AMZ1: variants seen among roughly 807,000 people sequenced by gnomAD.
The protein encoded by AMZ1 is archaelysin family metallopeptidase 1, also known as archaemetzincin-1.
In AMZ1, 39 loss-of-function variants were observed where a neutral mutation model predicts 29.9. That is an observed-to-expected ratio of 1.30 (90% CI 1.01 to 1.70). The LOEUF is 1.70. Among genes scored for constraint, AMZ1 ranks in the 40% most tolerant of loss-of-function variants. The pLI, the probability that AMZ1 is intolerant of heterozygous loss-of-function variation, is 0.00. For synonymous variants in AMZ1, 458 were observed against 304.0 expected (o/e 1.51, Z -5.27); for missense variants, 1,041 against 680.6 (o/e 1.53, Z -5.89).
intron 3 of AMZ1, among the ~76,000 whole-genome samples, chr7:2,705,990 C>T (rs1421629609): frequency 6.6e-6 from 1 of 152,208 alleles, no homozygotes; most frequent in Non-Finnish European, 1.5e-5. Flanking sequence ...CACCAAGTCC[C>T]ACAAGGGTCA....
intron 4 of AMZ1, among the ~76,000 whole-genome samples, chr7:2,725,578 T>C (rs528403365): frequency 6.6e-6 from 1 of 152,310 alleles, no homozygotes; most frequent in South Asian, 2.1e-4. Flanking sequence ...ACCTGAAGAC[T>C]TTCCTCCAGA....
chr7:2,723,014 T>C (rs1373146653), downstream of AMZ1, among the ~76,000 whole-genome samples: 3 of 151,320 alleles, frequency 2.0e-5, no homozygotes, highest in Non-Finnish European at 4.4e-5. Context: ...TAAAACAAAA[T>C]AAAAATCAAG....
chr7:2,740,038 A>C (rs1210465562), intron 4 of AMZ1, among the ~76,000 whole-genome samples: 2 of 152,178 alleles, frequency 1.3e-5, no homozygotes, highest in African/African-American at 4.8e-5. Flanking sequence ...GCGGCTGCAC[A>C]AGTTTACATT....
intron 1 of AMZ1, among the ~76,000 whole-genome samples, chr7:2,699,415 CCT>C (rs1327087801): frequency 6.6e-6 from 1 of 152,202 alleles, no homozygotes; most frequent in Admixed American, 6.5e-5. Flanking sequence ...TCCACTTCTC[CCT>C]GTTTCTAGCT....
intron 6 of AMZ1, 47 bp from the exon 7 acceptor site, chr7:2,712,283 A>G: frequency 1.3e-6 from 2 of 1,500,362 alleles, no homozygotes; most frequent in Non-Finnish European, 8.9e-7. Context: ...CCCTGGCTAG[A>G]CAAGGGCTGG....
At chr7:2,763,509 G>A (rs1791674171), upstream of AMZ1, among the ~76,000 whole-genome samples, 4 of 152,240 alleles carry the variant, frequency 2.6e-5, no homozygotes, top group Admixed American at 2.6e-4. Context: ...TATGGCTGAG[G>A]ATGAAGCTCC....
At chr7:2,745,345 A>G (rs1362729380) in intron 4 of AMZ1, among the ~76,000 whole-genome samples, 2 of 152,274 alleles carry the variant, frequency 1.3e-5, no homozygotes, top group African/African-American at 4.8e-5. Context: ...GCAAGCCAGA[A>G]GAGAGTGGGG....
Position 2,712,528 on chromosome 7 carries a change from G to T in AMZ1, c.1147G>T (p.Glu383Ter). The change falls in exon 7 of 7, where the codon GAA (glutamate) becomes TAA (stop). Residue 383 changes from glutamate to a stop codon, truncating the protein, a stop_gained. Coordinates refer to ENST00000683327, the MANE Select transcript of AMZ1 (RefSeq NM_001384743.1). LOFTEE classifies it low-confidence loss of function (END_TRUNC). ...GSHTFASGPE[E>*]GLSYLAASEA... is the part of the protein sequence containing the mutation. ...TCACACCTTCGCCTCGGGGCCAGAG[G>T]AAGGGCTGAGCTACCTGGCAGCCTC... 6.2e-7 allele frequency: 1 copy of T among 1,608,578 alleles called. No individual in the cohort carries two copies.
chr7:2,745,469 TGA>T (rs1562401456), intron 4 of AMZ1, among the ~76,000 whole-genome samples: 2 of 152,188 alleles, frequency 1.3e-5, no homozygotes, highest in African/African-American at 2.4e-5. Flanking sequence ...AAGCAAATGC[TGA>T]GAGATTTTGT....
At chr7:2,739,259 C>T (rs1432157332) in intron 4 of AMZ1, among the ~76,000 whole-genome samples, 4 of 152,224 alleles carry the variant, frequency 2.6e-5, no homozygotes, top group African/African-American at 9.6e-5. Context: ...ACGGCCACCA[C>T]TTCTACAGCC....
chr7:2,707,952 T>C (rs1485399141), intron 3 of AMZ1, among the ~76,000 whole-genome samples: 1 of 143,212 alleles, frequency 7.0e-6, no homozygotes, highest in African/African-American at 2.8e-5. Flanking sequence ...GACTCCTGAG[T>C]AGTTGGGATT....
intron 1 of AMZ1, among the ~76,000 whole-genome samples, chr7:2,693,605 G>T (rs978178163): frequency 1.3e-5 from 2 of 152,146 alleles, no homozygotes; most frequent in African/African-American, 4.8e-5. Flanking sequence ...GCCCAGACTG[G>T]AGTGCAGTGG....
intron 4 of AMZ1, chr7:2,728,325 ATCT>A (rs1185220274): frequency 1.3e-5 from 2 of 152,330 alleles, no homozygotes; most frequent in African/African-American, 2.4e-5. Flanking sequence ...ACAACTAATA[ATCT>A]TCTTTCAAGA....
At chr7:2,720,885 C>A (rs1294600693), downstream of AMZ1, among the ~76,000 whole-genome samples, 1 of 152,148 alleles carries the variant, frequency 6.6e-6, no homozygotes, top group Non-Finnish European at 1.5e-5. Flanking sequence ...AGCCACGTTG[C>A]CCAGGCTGGT....
At chr7:2,750,062 TATG>T in intron 4 of AMZ1, among the ~76,000 whole-genome samples, 1 of 152,180 alleles carries the variant, frequency 6.6e-6, no homozygotes, top group Non-Finnish European at 1.5e-5. Flanking sequence ...AAATTCCAAA[TATG>T]ATAAGTATGA....
Position 2,692,773 on chromosome 7 carries a change from A to G in AMZ1, c.-219+4477A>G, listed in dbSNP as rs150697290. On this transcript the variant is annotated intron_variant, in intron 1 of 6. Transcript: ENST00000683327. The stretch of plus-strand genomic sequence containing the variant: ...GCCACAAGCCCAGCAGCGGTTCCCC[A>G]CCTCACCCAGAGCAAAGGTTAAAGC... 3.7e-3 allele frequency among the ~76,000 whole-genome samples: 562 copies of G among 151,858 alleles called. 7 individuals carry two copies. The highest frequency in any genetic ancestry group is 0.013 in the African/African-American group (548 of 41,366).
At position 2,742,523 on chromosome 7, in the gene AMZ1, T is replaced by A. The variant is rs181403818; in HGVS notation, n.551-22189T>A. Among the ~76,000 whole-genome samples the A allele has an allele frequency of 1.0e-3, 155 of 152,314 alleles. 1 individual carries two copies. Among genetic ancestry groups the A allele is most frequent in the African/African-American group, 3.7e-3 (154 of 41,578 alleles). On this transcript the variant is annotated intron_variant and non_coding_transcript_variant, in intron 4 of 4. Coordinates refer to the AMZ1 transcript ENST00000489665. ...CCACATGGACTCACAGACGCTGTCATTTTCCAGGGGCTGTAATTCATCTCT... is the reference window on the plus strand; with the variant it reads ...CCACATGGACTCACAGACGCTGTCAATTTCCAGGGGCTGTAATTCATCTCT...
intron 3 of AMZ1, among the ~76,000 whole-genome samples, chr7:2,707,232 G>C (rs932662051): frequency 6.6e-6 from 1 of 151,068 alleles, no homozygotes; most frequent in African/African-American, 2.4e-5. Context: ...GAGATAGATA[G>C]CGCCACTACA....
At chr7:2,695,670 C>G (rs1377750188) in intron 1 of AMZ1, among the ~76,000 whole-genome samples, 2 of 151,566 alleles carry the variant, frequency 1.3e-5, no homozygotes, top group South Asian at 2.1e-4. Flanking sequence ...CTGAGTGCAC[C>G]ACAGCACTCC....
Sources: gnomAD v4.1 joint callset for allele counts (sites outside exome capture counted in the v4.1 genomes callset) on GRCh38, gnomAD v4.1.1 for gene constraint, MANE v1.5 for transcripts, NCBI Gene and HGNC (gene_info 2026-07-23, HGNC 2026-07-21) for gene names.